GRIA3: variants seen among roughly 807,000 people sequenced by gnomAD.
The protein encoded by GRIA3 is glutamate receptor 3.
Under a neutral mutation model 63.0 loss-of-function variants are expected in GRIA3, and 3 were observed. The observed-to-expected ratio is 0.05, with a 90% CI of 0.02 to 0.12. The LOEUF (loss-of-function observed/expected upper bound fraction) is 0.12. Among genes scored for constraint, GRIA3 ranks in the 10% least tolerant of loss-of-function variants. The pLI is 1.00. For missense variants in GRIA3, 347 were observed against 700.9 expected (o/e 0.50, Z 5.70); for synonymous variants, 274 against 257.9 (o/e 1.06, Z -0.60).
At chrX:123,279,857 G>T (rs373917906) in intron 3 of GRIA3, among the ~76,000 whole-genome samples, 41 of 111,330 alleles carry the variant, frequency 3.7e-4, no homozygotes, top group African/African-American at 1.3e-3. Context: ...ACTCTTTAAG[G>T]TCTTGAAGTA....
intron 12 of GRIA3, among the ~76,000 whole-genome samples, chrX:123,446,718 G>A (rs2045704670): frequency 1.8e-5 from 2 of 111,972 alleles, no homozygotes; most frequent in Admixed American, 1.9e-4. Context: ...GCCTGAATAA[G>A]CATTCCTTAG....
intron 3 of GRIA3, among the ~76,000 whole-genome samples, chrX:123,309,449 C>T (rs780419623): frequency 1.3e-4 from 14 of 111,229 alleles, no homozygotes; most frequent in African/African-American, 4.6e-4. Context: ...TGAATCCTTT[C>T]CTCTTTAGCA....
intron 3 of GRIA3, among the ~76,000 whole-genome samples, chrX:123,271,181 T>A (rs903544369): frequency 5.3e-5 from 6 of 112,277 alleles, no homozygotes; most frequent in African/African-American, 1.9e-4. Context: ...AAGATTTCCA[T>A]AAACTATTTG....
intron 2 of GRIA3, among the ~76,000 whole-genome samples, chrX:123,203,781 C>A (rs2147256008): frequency 8.9e-6 from 1 of 112,119 alleles, no homozygotes; most frequent in African/African-American, 3.2e-5. Context: ...TTAGAGACAG[C>A]ATTGTATGGG....
chrX:123,362,727 AGAGAG>A (rs1456771342), intron 5 of GRIA3, among the ~76,000 whole-genome samples: 1 of 93,647 alleles, frequency 1.1e-5, no homozygotes, highest in Non-Finnish European at 2.1e-5. Flanking sequence ...AAAAAAAAAA[AGAGAG>A]AGAGAGAGAG....
chrX:123,349,630 ACCACCC>A (rs1402679848), intron 4 of GRIA3, among the ~76,000 whole-genome samples: 1 of 111,896 alleles, frequency 8.9e-6, no homozygotes, highest in East Asian at 2.8e-4. Context: ...CTCCATCTGT[ACCACCC>A]CCACCCCCAT....
intron 3 of GRIA3, among the ~76,000 whole-genome samples, chrX:123,310,040 C>G (rs1225743043): frequency 8.9e-6 from 1 of 112,726 alleles, no homozygotes; most frequent in Non-Finnish European, 1.9e-5. Context: ...TAAGTTCTGT[C>G]AATGAGTACT....
chrX:123,197,317 G>C (rs1397805349), intron 2 of GRIA3, among the ~76,000 whole-genome samples: 1 of 111,931 alleles, frequency 8.9e-6, no homozygotes, highest in Non-Finnish European at 1.9e-5. Context: ...CTGAGGTCAG[G>C]AGTTCGAGAT....
At chrX:123,389,570 T>C (rs949532911) in intron 5 of GRIA3, among the ~76,000 whole-genome samples, 6 of 111,755 alleles carry the variant, frequency 5.4e-5, no homozygotes, top group Admixed American at 4.8e-4. Flanking sequence ...AATGTCTTTT[T>C]CCATCCCTTT....
Position 123,394,974 on chromosome X carries a change from A to G in GRIA3, c.757A>G (p.Thr253Ala). The change falls in exon 6 of 16, where the codon ACT becomes GCT. Residue 253 changes from threonine (T) to alanine (A), a missense_variant. Transcript: ENST00000620443. ...CCTTTCAATGTCTTTCCAGGGTTTT[A>G]CTGATATTTTACTGGAAAGAGTCAT... ...YHYMLANLGF[T>A]DILLERVMHG... 8.4e-7 allele frequency: 1 copy of G among 1,185,136 alleles called. No homozygotes were observed. Among genetic ancestry groups the G allele is most frequent in the Non-Finnish European group, 1.1e-6 (1 of 871,287 alleles).
chrX:123,427,806 T>G, intron 11 of GRIA3, 135 bp from the exon 12 acceptor site: 1 of 523,121 alleles, frequency 1.9e-6, no homozygotes, highest in Non-Finnish European at 3.4e-6. Context: ...AATGTTTTAA[T>G]TCCCTCACAT....
intron 12 of GRIA3, among the ~76,000 whole-genome samples, chrX:123,461,080 C>T (rs2045789914): frequency 8.9e-6 from 1 of 112,005 alleles, no homozygotes; most frequent in Non-Finnish European, 1.9e-5. Context: ...TAGAATTCTA[C>T]AGTGCTATAA....
chrX:123,199,726 C>T (rs1485588194), intron 2 of GRIA3, among the ~76,000 whole-genome samples: 1 of 111,507 alleles, frequency 9.0e-6, no homozygotes, highest in Non-Finnish European at 1.9e-5. Context: ...AGAATAAATC[C>T]ACAGCAAGTT....
chrX:123,263,414 C>T (rs1403725268), intron 3 of GRIA3, among the ~76,000 whole-genome samples: 1 of 112,363 alleles, frequency 8.9e-6, no homozygotes, highest in East Asian at 2.8e-4. Flanking sequence ...TTTGTCGACT[C>T]CACAAACGAT....
rs138806380 is a variant in GRIA3, at chrX:123,432,280, T to G, written c.2076+4141T>G. Among the ~76,000 whole-genome samples the G allele has an allele frequency of 4.1e-3, 460 of 112,192 alleles. 1 individual carries two copies. The highest frequency in any genetic ancestry group is 0.014 in the African/African-American group (435 of 30,950). On this transcript the variant is annotated intron_variant, in intron 12 of 15. Transcript: ENST00000620443. Reference sequence around the variant, plus strand: ...AAAATATTTAGCCCCCAGTAGGCACTTTAACAGGAATCACATTTTTTCCCC... The same window carrying G: ...AAAATATTTAGCCCCCAGTAGGCACGTTAACAGGAATCACATTTTTTCCCC...
intron 10 of GRIA3, among the ~76,000 whole-genome samples, chrX:123,405,398 A>C (rs1181232609): frequency 8.9e-6 from 1 of 112,068 alleles, no homozygotes; most frequent in Non-Finnish European, 1.9e-5. Flanking sequence ...AACATCTATC[A>C]GTCATTTAAC....
intron 4 of GRIA3, among the ~76,000 whole-genome samples, chrX:123,338,430 C>T (rs1260994563): frequency 8.9e-6 from 1 of 112,377 alleles, no homozygotes; most frequent in Non-Finnish European, 1.9e-5. Context: ...AGACAATAAA[C>T]ATGAAATCCT....
In GRIA3 at chrX:123,260,487, A is replaced by G. The variant is rs183758079; in HGVS notation, c.508+6945A>G. 2.3e-3 allele frequency among the ~76,000 whole-genome samples: 18 copies of G among 7,706 alleles called. 2 individuals carry two copies. The highest frequency in any genetic ancestry group is 3.8e-3 in the African/African-American group (12 of 3,148). 6.7% of individuals were successfully genotyped at this position (7,706 alleles called of 115,157 possible). A position where few individuals can be genotyped will look rare whatever the true frequency, so the allele number is the denominator to read the frequency against. On this transcript the variant is annotated intron_variant, in intron 3 of 15. Coordinates refer to ENST00000620443, the MANE Select transcript of GRIA3 (RefSeq NM_007325.5). Reference sequence around the variant, plus strand: ...AAGGAAGAAGAAAGGAAAGAAAGAAAGAAAGAAAGAAAGAAAGAAAGAAAG... The same window carrying G: ...AAGGAAGAAGAAAGGAAAGAAAGAAGGAAAGAAAGAAAGAAAGAAAGAAAG...
intron 3 of GRIA3, among the ~76,000 whole-genome samples, chrX:123,254,394 G>A (rs2044408001): frequency 9.0e-6 from 1 of 111,488 alleles, no homozygotes; most frequent in African/African-American, 3.3e-5. Context: ...GTCTTTGACG[G>A]GTTCCTTGGT....
Sources: allele counts gnomAD v4.1 joint callset (sites outside exome capture counted in the v4.1 genomes callset), GRCh38; gene constraint gnomAD v4.1.1; transcripts MANE v1.5; gene names NCBI Gene and HGNC (gene_info 2026-07-23, HGNC 2026-07-21).